NCAM1: variants seen among roughly 807,000 people sequenced by gnomAD.
The protein encoded by NCAM1 is neural cell adhesion molecule 1.
NCAM1 carries 14 observed loss-of-function variants against 109.8 expected under a neutral mutation model. The ratio of observed to expected loss-of-function variants is 0.13; its 90% CI spans 0.08 to 0.20. NCAM1 has a LOEUF of 0.20. Among genes scored for constraint, NCAM1 ranks in the 10% least tolerant of loss-of-function variants. NCAM1 has a pLI of 1.00. For missense variants in NCAM1, 774 were observed against 1,109.9 expected (o/e 0.70, Z 4.30); for synonymous variants, 418 against 442.9 (o/e 0.94, Z 0.70).
chr11:113,220,596 C>CTT (rs1555115108), intron 8 of NCAM1, among the ~76,000 whole-genome samples: 1 of 110,672 alleles, frequency 9.0e-6, no homozygotes, highest in African/African-American at 4.6e-5. Flanking sequence ...CTCTCTCTCT[C>CTT]TCTCTCTTTT....
At chr11:113,271,900 C>T (rs546472739) in intron 19 of NCAM1, 24 bp downstream of exon 19, 46 of 1,535,400 alleles carry the variant, frequency 3.0e-5, no homozygotes, top group South Asian at 8.4e-5. Context: ...GAGGGGCTGG[C>T]ACCTGCTCCG....
intron 1 of NCAM1, among the ~76,000 whole-genome samples, chr11:113,025,778 C>CGAGAGAGAGAGA (rs199893109): frequency 1.4e-4 from 17 of 118,870 alleles, no homozygotes; most frequent in East Asian, 6.5e-4. Context: ...CACAGGGAGC[C>CGAGAGAGAGAGA]GAGAGAGAGA....
chr11:113,146,197 T>C (rs2136232113), intron 1 of NCAM1, among the ~76,000 whole-genome samples: 1 of 152,292 alleles, frequency 6.6e-6, no homozygotes, highest in East Asian at 1.9e-4. Context: ...GCTTTCAGCG[T>C]TGGGGGAAGA....
chr11:113,211,890 G>T (rs1944400395), intron 7 of NCAM1, among the ~76,000 whole-genome samples: 1 of 152,194 alleles, frequency 6.6e-6, no homozygotes, highest in African/African-American at 2.4e-5. Flanking sequence ...GGAAATATGG[G>T]GAAAGGTGCA....
chr11:113,188,133 A>AT, intron 1 of NCAM1, among the ~76,000 whole-genome samples: 1 of 152,190 alleles, frequency 6.6e-6, no homozygotes, highest in Non-Finnish European at 1.5e-5. Context: ...CACCCTGGGA[A>AT]TTTGAGGGTG....
intron 1 of NCAM1, among the ~76,000 whole-genome samples, chr11:113,165,912 A>G (rs1226185688): frequency 1.3e-5 from 2 of 151,096 alleles, no homozygotes; most frequent in African/African-American, 2.4e-5. Context: ...TCCCGGGTTC[A>G]TGCCATTCTC....
intron 1 of NCAM1, among the ~76,000 whole-genome samples, chr11:113,020,754 A>G (rs1174988949): frequency 2.0e-5 from 3 of 151,562 alleles, no homozygotes; most frequent in African/African-American, 7.3e-5. Flanking sequence ...TCTGCTGTTT[A>G]TTATTATTAT....
In NCAM1 at chr11:113,277,836, A is replaced by AGAG. The variant is rs1364470997; in HGVS notation, c.*2450_*2452dup. The AGAG allele has an allele frequency of 2.3e-4, 26 of 113,686 alleles. No individual in the cohort carries two copies. Among genetic ancestry groups the AGAG allele is most frequent in the African/African-American group, 1.0e-3 (25 of 24,608 alleles). 7.0% of individuals were successfully genotyped at this position (113,686 alleles called of 1,614,324 possible). On this transcript the variant is annotated 3_prime_UTR_variant, in exon 20 of 20. Coordinates refer to ENST00000316851, the MANE Select transcript of NCAM1 (RefSeq NM_181351.5). ...ACACATAGGTTTGTCTCAGCATGCA[A>AGAG]GAGTTTTTCCTTTAAAAAAAAAAAA...
At chr11:113,162,624 A>T (rs1555104607) in intron 1 of NCAM1, among the ~76,000 whole-genome samples, 1 of 152,232 alleles carries the variant, frequency 6.6e-6, no homozygotes, top group Non-Finnish European at 1.5e-5. Flanking sequence ...TGAGATAAAT[A>T]TGAATTGCTG....
At chr11:113,065,112 G>C (rs1937888383) in intron 1 of NCAM1, among the ~76,000 whole-genome samples, 2 of 152,136 alleles carry the variant, frequency 1.3e-5, no homozygotes. Flanking sequence ...AATCCACAAT[G>C]GGTGGAGTCT....
In NCAM1 at chr11:113,264,159, G is replaced by C. The variant is rs889029688; in HGVS notation, c.2131+3836G>C. 1.1e-5 allele frequency: 11 copies of C among 985,158 alleles called. No individual in the cohort carries two copies. The African/African-American group carries it at 1.9e-4, about 17-fold the overall frequency. The allele number at this position is 985,158 out of a possible 1,614,324, so 61.0% of individuals were successfully genotyped here. ...AAACTCCCTCCCTCCCCCCATTGTG[G>C]TCACATATCATTCTACATATCTCAT... On this transcript the variant is annotated intron_variant, in intron 17 of 19. Coordinates refer to ENST00000316851, the MANE Select transcript of NCAM1 (RefSeq NM_181351.5).
chr11:113,148,132 G>A (rs951625447), intron 1 of NCAM1, among the ~76,000 whole-genome samples: 4 of 152,174 alleles, frequency 2.6e-5, no homozygotes, highest in Non-Finnish European at 5.9e-5. Flanking sequence ...TGGAATCTGA[G>A]GAGAAGCCCG....
At chr11:113,150,710 G>A (rs1942195462) in intron 1 of NCAM1, among the ~76,000 whole-genome samples, 1 of 152,096 alleles carries the variant, frequency 6.6e-6, no homozygotes, top group African/African-American at 2.4e-5. Context: ...TTTATTGCAG[G>A]GACATGGAAA....
At position 113,193,910 on chromosome 11, in the gene NCAM1, G is replaced by A. The variant is rs369036616; in HGVS notation, c.53-8469G>A. Among the ~76,000 whole-genome samples, 46 of 152,254 alleles carry A rather than the reference G, an allele frequency of 3.0e-4. No homozygotes were observed. The South Asian group carries it at 9.1e-3, about 30-fold the overall frequency. On this transcript the variant is annotated intron_variant, in intron 1 of 19. Coordinates refer to ENST00000316851, the MANE Select transcript of NCAM1 (RefSeq NM_181351.5). ...TCTAGCAGCTAGGTGGTTTGTAGGG[G>A]CAGCAACCATGGTTTGAAACCACTC...
intron 1 of NCAM1, among the ~76,000 whole-genome samples, chr11:113,088,532 A>G (rs979261366): frequency 1.6e-5 from 1 of 62,276 alleles, no homozygotes; most frequent in African/African-American, 1.3e-4. Flanking sequence ...ACCATTTGAT[A>G]TGGCATAGCG....
chr11:113,141,702 TAGAC>T (rs782488396), intron 1 of NCAM1, among the ~76,000 whole-genome samples: 9 of 151,772 alleles, frequency 5.9e-5, no homozygotes, highest in East Asian at 1.9e-4. Context: ...AGTTTAAAAA[TAGAC>T]AGAAAGTGCT....
chr11:113,029,508 T>C (rs1952653069), intron 1 of NCAM1, among the ~76,000 whole-genome samples: 1 of 152,150 alleles, frequency 6.6e-6, no homozygotes, highest in Non-Finnish European at 1.5e-5. Context: ...ATGAAGGTGA[T>C]TTTAGAACGC....
At chr11:112,974,983 T>C (rs1950970352) in intron 1 of NCAM1, among the ~76,000 whole-genome samples, 1 of 152,060 alleles carries the variant, frequency 6.6e-6, no homozygotes, top group Non-Finnish European at 1.5e-5. Context: ...TTTTGAAGTC[T>C]TTTATCTTGC....
At chr11:113,077,552 A>G (rs1293747258) in intron 1 of NCAM1, among the ~76,000 whole-genome samples, 2 of 152,200 alleles carry the variant, frequency 1.3e-5, no homozygotes, top group Non-Finnish European at 2.9e-5. Flanking sequence ...ACCATACTCT[A>G]TCATGAGGTT....
Sources: allele counts gnomAD v4.1 joint callset (sites outside exome capture counted in the v4.1 genomes callset), GRCh38; gene constraint gnomAD v4.1.1; transcripts MANE v1.5; gene names NCBI Gene and HGNC (gene_info 2026-07-23, HGNC 2026-07-21).